Variants in CHRM3 observed in about 807,000 individuals in gnomAD.
CHRM3 encodes muscarinic acetylcholine receptor M3.
A neutral mutation model predicts 41.8 loss-of-function variants in CHRM3; 11 were observed. The observed-to-expected ratio is 0.26, with a 90% CI of 0.17 to 0.44. CHRM3 has a LOEUF of 0.44. CHRM3 is among the 20% of genes least tolerant of loss of function. The pLI is 1.00. For synonymous variants in CHRM3, 297 were observed against 301.4 expected, an observed-to-expected ratio of 0.99 and a Z score of 0.15; for missense variants, 571 against 745.4, an observed-to-expected ratio of 0.77 and a Z score of 2.72.
Position 239,734,629 on chromosome 1 carries a change from A to G in CHRM3, c.-147+56341A>G, listed in dbSNP as rs533449191. ...TTTGAAGAAGTCCAGTGAATAACTG[A>G]TGATAACATTTATTATATAATCAGA... On this transcript the variant is annotated intron_variant, in intron 5 of 6. Transcript: ENST00000676153. Among the ~76,000 whole-genome samples, 3 of 152,266 alleles carry G rather than the reference A, an allele frequency of 2.0e-5. No individual in the cohort carries two copies. The South Asian group carries it at 6.2e-4, about 32-fold the overall frequency.
chr1:239,445,969 G>C (rs193164195), intron 1 of CHRM3, among the ~76,000 whole-genome samples: 1 of 151,042 alleles, frequency 6.6e-6, no homozygotes, highest in East Asian at 1.9e-4. Flanking sequence ...ACAGAGTCTC[G>C]CTCTGTCACC....
chr1:239,651,872 G>A (rs1037725560), intron 4 of CHRM3, among the ~76,000 whole-genome samples: 3 of 152,020 alleles, frequency 2.0e-5, no homozygotes, highest in Admixed American at 6.6e-5. Flanking sequence ...CCCCTGCAAA[G>A]CAAGGTTGAG....
Position 239,585,858 on chromosome 1 carries a change from C to T in CHRM3, c.-313+40109C>T, listed in dbSNP as rs1043049211. The stretch of plus-strand genomic sequence containing the variant: ...AAAGAAAAACAAATAGATGAATATG[C>T]ACTAATTATTTCCCAAGCATTTTGC... On this transcript the variant is annotated intron_variant, in intron 3 of 6. Coordinates refer to ENST00000676153, the MANE Select transcript of CHRM3 (RefSeq NM_001375978.1). Among the ~76,000 whole-genome samples the T allele has an allele frequency of 3.7e-4, 56 of 152,260 alleles. 1 individual carries two copies. Among genetic ancestry groups the T allele is most frequent in the African/African-American group, 1.3e-3 (53 of 41,550 alleles).
chr1:239,684,754 G>GAA (rs1658944230), intron 5 of CHRM3, among the ~76,000 whole-genome samples: 1 of 122,924 alleles, frequency 8.1e-6, no homozygotes, highest in South Asian at 2.8e-4. Context: ...GAAAGAGAAA[G>GAA]AAAGAAAGAA....
intron 1 of CHRM3, among the ~76,000 whole-genome samples, chr1:239,466,742 G>T (rs954637546): frequency 1.3e-5 from 2 of 152,006 alleles, no homozygotes; most frequent in Non-Finnish European, 2.9e-5. Flanking sequence ...GGGATTACAG[G>T]CATGAGCCAC....
chr1:239,634,245 A>G (rs1670191289), intron 4 of CHRM3, among the ~76,000 whole-genome samples: 1 of 152,144 alleles, frequency 6.6e-6, no homozygotes, highest in Non-Finnish European at 1.5e-5. Flanking sequence ...TGAATACAAT[A>G]CTCTTCAATA....
chr1:239,785,938 C>T (rs997092146), intron 5 of CHRM3, among the ~76,000 whole-genome samples: 8 of 152,096 alleles, frequency 5.3e-5, no homozygotes, highest in Non-Finnish European at 8.8e-5. Context: ...ATTCTGTCCT[C>T]TGTGTGTGTA....
intron 6 of CHRM3, among the ~76,000 whole-genome samples, chr1:239,839,222 G>T (rs775779157): frequency 1.3e-5 from 2 of 152,200 alleles, no homozygotes; most frequent in Non-Finnish European, 2.9e-5. Context: ...CTGAAACTTG[G>T]ATAGGTCTTG....
chr1:239,511,162 A>G (rs1668893442), intron 2 of CHRM3, among the ~76,000 whole-genome samples: 1 of 152,242 alleles, frequency 6.6e-6, no homozygotes, highest in South Asian at 2.1e-4. Flanking sequence ...GGGGAGAAGT[A>G]TTAATCGAAT....
chr1:239,759,936 ATGGAGTCTCGCTCCATCGCCTAGGC>A (rs974930158), intron 5 of CHRM3, among the ~76,000 whole-genome samples: 2 of 151,758 alleles, frequency 1.3e-5, no homozygotes, highest in African/African-American at 2.4e-5. Context: ...TTTTTTTGAG[ATGGAGTCTCGCTCCATCGCCTAGGC>A]TGGAGTGCAG....
rs1659760398 is a variant in CHRM3, at chr1:239,691,970, A to G, written c.-147+13682A>G. Among the ~76,000 whole-genome samples the G allele has an allele frequency of 2.0e-5, 3 of 152,262 alleles. No homozygotes were observed. In the South Asian group the frequency reaches 6.2e-4, roughly 32 times the overall value. ...ATCCTGGGGCAAGAGACCCCAGGGG[A>G]TGATCTCAAAATGAATTAGCGATTT... On this transcript the variant is annotated intron_variant, in intron 5 of 6. Transcript: ENST00000676153.
chr1:239,643,722 A>G (rs772068485), intron 4 of CHRM3, among the ~76,000 whole-genome samples: 13 of 152,170 alleles, frequency 8.5e-5, no homozygotes, highest in Non-Finnish European at 1.6e-4. Context: ...TGCGCTTCCC[A>G]AGTGAGGCAA....
chr1:239,826,432 A>G (rs1229977507), intron 5 of CHRM3, among the ~76,000 whole-genome samples: 1 of 152,192 alleles, frequency 6.6e-6, no homozygotes, highest in Non-Finnish European at 1.5e-5. Flanking sequence ...GAGAGAGAAA[A>G]GAGAATGTTC....
At chr1:239,403,407 T>C (rs1384267122) in intron 1 of CHRM3, among the ~76,000 whole-genome samples, 1 of 152,238 alleles carries the variant, frequency 6.6e-6, no homozygotes, top group African/African-American at 2.4e-5. Flanking sequence ...CAGTCTTCAA[T>C]GTACCTTGAT....
At chr1:239,744,527 T>A (rs1572159938) in intron 5 of CHRM3, among the ~76,000 whole-genome samples, 2 of 151,964 alleles carry the variant, frequency 1.3e-5, no homozygotes, top group Admixed American at 6.6e-5. Context: ...GACCAGCAGG[T>A]GCACATGCCC....
chr1:239,527,783 G>T (rs1387074611), intron 2 of CHRM3, among the ~76,000 whole-genome samples: 1 of 152,072 alleles, frequency 6.6e-6, no homozygotes, highest in Non-Finnish European at 1.5e-5. Context: ...GATAATCAAA[G>T]AACTTATCTC....
At chr1:239,509,485 A>C (rs1329987623) in intron 2 of CHRM3, among the ~76,000 whole-genome samples, 4 of 152,134 alleles carry the variant, frequency 2.6e-5, no homozygotes, top group Non-Finnish European at 5.9e-5. Context: ...TGTTTCCCTC[A>C]AGGTAGAGCT....
chr1:239,844,839 C>T (rs1056147732), intron 6 of CHRM3, among the ~76,000 whole-genome samples: 6 of 152,156 alleles, frequency 3.9e-5, no homozygotes, highest in African/African-American at 1.4e-4. Context: ...AGCCCAGGCT[C>T]CCAACCCAAA....
intron 5 of CHRM3, among the ~76,000 whole-genome samples, chr1:239,756,743 A>G (rs1411267344): frequency 6.6e-6 from 1 of 152,234 alleles, no homozygotes; most frequent in Non-Finnish European, 1.5e-5. Context: ...CTAAATTTTG[A>G]TGCCCAGAGT....
Sources: allele counts gnomAD v4.1 joint callset (sites outside exome capture counted in the v4.1 genomes callset), GRCh38; gene constraint gnomAD v4.1.1; transcripts MANE v1.5; gene names NCBI Gene and HGNC (gene_info 2026-07-23, HGNC 2026-07-21).